Variants in XAB2 observed in about 807,000 individuals in gnomAD.
XAB2 encodes the protein XPA binding protein 2.
Under a neutral mutation model 113.4 loss-of-function variants are expected in XAB2, and 57 were observed. That is an observed-to-expected ratio of 0.50 (90% confidence interval 0.41 to 0.63). The LOEUF (loss-of-function observed/expected upper bound fraction) is 0.63, where lower values mean the gene tolerates loss of function less well. XAB2 is among the 20% of genes least tolerant of loss of function. The probability of loss-of-function intolerance (pLI) is 0.00; values close to 1 mark genes in which losing one functional copy is unlikely to be tolerated. For synonymous variants in XAB2, 497 were observed against 498.8 expected (o/e 1.00, Z 0.05); for missense variants, 1,037 against 1,233.3 (o/e 0.84, Z 2.38).
Position 7,627,434 on chromosome 19 carries a change from G to A in XAB2, c.331C>T (p.Arg111Cys), listed in dbSNP as rs201355918. ...RAFVFMHKMP[R>C]LWLDYCQFLM... ...AACTGGCAGTAATCTAGCCACAGAC[G>A]AGGCATCTGGGGGTGTGGGGAGAGG... The change falls in exon 4 of 19, where the codon CGT (arginine) becomes TGT (cysteine). Residue 111 changes from arginine (R) to cysteine (C), a missense_variant. Arg to Cys is a radical substitution (Grantham distance 180, BLOSUM62 -3). Coordinates refer to ENST00000358368, the MANE Select transcript of XAB2 (RefSeq NM_020196.3). The surrounding 1 kb of genome is among the most constrained non-coding windows in gnomAD (Gnocchi z 4.5). 2.9e-5 allele frequency: 47 copies of A among 1,604,130 alleles called. No individual in the cohort carries two copies. The highest frequency in any genetic ancestry group is 3.8e-5 in the Non-Finnish European group (45 of 1,176,550).
Position 7,627,647 on chromosome 19 carries a change from AGCCCAGCCCCTGTCCCC to A in XAB2, c.324+64_324+80del. 1 of 1,582,366 alleles carries A rather than the reference AGCCCAGCCCCTGTCCCC, an allele frequency of 6.3e-7. No homozygotes were observed. Among genetic ancestry groups the A allele is most frequent in the Non-Finnish European group, 8.6e-7 (1 of 1,160,708 alleles). On this transcript the variant is annotated intron_variant, in intron 3 of 18. Transcript: ENST00000358368. This position sits in a 1 kb window ranked among gnomAD's most constrained non-coding sequence, Gnocchi z 4.5. ...CCAAGCCCCCATCCCTAACATGCTG[AGCCCAGCCCCTGTCCCC>A]GCCCCACCCACCACCATGGACTGAG...
Position 7,619,984 on chromosome 19 carries a change from G to A in XAB2, c.2358C>T (p.Asp786=), listed in dbSNP as rs778056102. Residue 786 remains aspartate (D), a synonymous_variant, in exon 17 of 19, where the codon GAC becomes GAT. Coordinates refer to ENST00000358368, the MANE Select transcript of XAB2 (RefSeq NM_020196.3). ...TCTTGCTCTGGGCGCGCAAGGGCTG[G>A]TCACGCTCCGCCTCAGCCGCCAGCT... ...AEQLAAEAER[D]QPLRAQSKIL... 6.2e-7 allele frequency: 1 copy of A among 1,612,220 alleles called. No homozygotes were observed. The highest frequency in any genetic ancestry group is 8.5e-7 in the Non-Finnish European group (1 of 1,179,954).
chr19:7,620,118 C>T (rs1261708041), intron 16 of XAB2, 43 bp from the exon 17 acceptor site: 1 of 1,602,958 alleles, frequency 6.2e-7, no homozygotes, highest in Non-Finnish European at 8.5e-7. Flanking sequence ...GGGGCCCCTC[C>T]CACACATCGG....
Position 7,627,454 on chromosome 19 carries a change from G to A in XAB2, c.325-14C>T, listed in dbSNP as rs921254102. 2 of 1,596,638 alleles carry A rather than the reference G, an allele frequency of 1.3e-6. No homozygotes were observed. Among genetic ancestry groups the A allele is most frequent in the Non-Finnish European group, 8.5e-7 (1 of 1,173,096 alleles). On this transcript the variant is annotated splice_polypyrimidine_tract_variant and intron_variant, in intron 3 of 18. Coordinates refer to ENST00000358368, the MANE Select transcript of XAB2 (RefSeq NM_020196.3). This position sits in a 1 kb window ranked among gnomAD's most constrained non-coding sequence, Gnocchi z 4.5. ...CAGACGAGGCATCTGGGGGTGTGGG[G>A]AGAGGCGGCTGGGGCTAAGCCACGG...
intron 14 of XAB2, 58 bp downstream of exon 14, chr19:7,620,788 G>C: frequency 1.9e-6 from 3 of 1,564,934 alleles, no homozygotes; most frequent in East Asian, 4.5e-5. Flanking sequence ...CACCTGCCTG[G>C]ACCCCTTCCG....
Position 7,621,313 on chromosome 19 carries a change from G to A in XAB2, c.1618-16C>T, listed in dbSNP as rs781426099. ...GCTCGTACGCCTGTTACCAGAGGGAGAGTCACATGTGAGAGTCTGCAGATA... is the reference window on the plus strand; with the variant it reads ...GCTCGTACGCCTGTTACCAGAGGGAAAGTCACATGTGAGAGTCTGCAGATA... On this transcript the variant is annotated splice_polypyrimidine_tract_variant and intron_variant, in intron 12 of 18. Coordinates refer to ENST00000358368, the MANE Select transcript of XAB2 (RefSeq NM_020196.3). 3 of 1,610,884 alleles carry A rather than the reference G, an allele frequency of 1.9e-6. No individual in the cohort carries two copies. Among genetic ancestry groups the A allele is most frequent in the Non-Finnish European group, 2.5e-6 (3 of 1,178,568 alleles).
In XAB2 at chr19:7,619,739, G is replaced by A. The variant is rs761048086; in HGVS notation, c.2506+8C>T. 1 of 1,613,458 alleles carries A rather than the reference G, an allele frequency of 6.2e-7. No homozygotes were observed. Among genetic ancestry groups the A allele is most frequent in the South Asian group, 1.1e-5 (1 of 91,068 alleles). ...ATGCCACCGTCCCCGCCCCAGCCGG[G>A]CCCTCACCGTTGGGCTCCAGGTCCA... is the stretch of plus-strand genomic sequence containing the variant. On this transcript the variant is annotated splice_region_variant and intron_variant, in intron 18 of 18. Transcript: ENST00000358368.
Position 7,620,365 on chromosome 19 carries a change from T to TTTCC in XAB2, c.2175_2176insGGAA (p.Ile726GlyfsTer34), listed in dbSNP as rs765005683. The TTTCC allele has an allele frequency of 6.2e-7, 1 of 1,613,362 alleles. No homozygotes were observed. Among genetic ancestry groups the TTTCC allele is most frequent in the South Asian group, 1.1e-5 (1 of 91,088 alleles). On this transcript the variant is annotated frameshift_variant, in exon 16 of 19. Coordinates refer to ENST00000358368, the MANE Select transcript of XAB2 (RefSeq NM_020196.3). LOFTEE classifies it high-confidence loss of function. ...TACGTGGCCTGCACGCTGCGCCGGA[T>TTTCC]ACGCAGCATTTCCTTGATGGTGTCC...
Position 7,623,926 on chromosome 19 carries a change from G to A in XAB2, c.968-44C>T. The A allele has an allele frequency of 6.7e-7, 1 of 1,498,018 alleles. No homozygotes were observed. Among genetic ancestry groups the A allele is most frequent in the Non-Finnish European group, 8.9e-7 (1 of 1,125,488 alleles). The allele number at this position is 1,498,018 out of a possible 1,614,324, so 92.8% of individuals were successfully genotyped here. A position where few individuals can be genotyped will look rare whatever the true frequency, so the allele number is the denominator to read the frequency against. ...TTTGTCAGGGGCGGAGACCCAGGAT[G>A]CAGGTCCCCGGATGCCACCGCCTCC... On this transcript the variant is annotated intron_variant, in intron 7 of 18. Coordinates refer to ENST00000358368, the MANE Select transcript of XAB2 (RefSeq NM_020196.3). The surrounding 1 kb of genome is among the most constrained non-coding windows in gnomAD (Gnocchi z 4.6).
intron 1 of XAB2, among the ~76,000 whole-genome samples, chr19:7,629,260 G>A (rs1335137459): frequency 6.6e-6 from 1 of 152,216 alleles, no homozygotes; most frequent in Non-Finnish European, 1.5e-5. Flanking sequence ...CCCTTCGACA[G>A]TGGTTTTCTA....
chr19:7,628,409 A>G lies in XAB2; in HGVS notation c.52-111T>C. 2 of 1,360,974 alleles carry G rather than the reference A, an allele frequency of 1.5e-6. No individual in the cohort carries two copies. Among genetic ancestry groups the G allele is most frequent in the East Asian group, 2.4e-5 (1 of 41,206 alleles). The allele number at this position is 1,360,974 out of a possible 1,614,324, so 84.3% of individuals were successfully genotyped here. A position where few individuals can be genotyped will look rare whatever the true frequency, so the allele number is the denominator to read the frequency against. On this transcript the variant is annotated intron_variant, in intron 1 of 18. Coordinates refer to ENST00000358368, the MANE Select transcript of XAB2 (RefSeq NM_020196.3). This position sits in a 1 kb window ranked among gnomAD's most constrained non-coding sequence, Gnocchi z 4.6. ...AACTCCGGACTTTTACCTAGATCCCACCACCCACCAAGGAAGTCAGGTCAC... is the reference window on the plus strand; with the variant it reads ...AACTCCGGACTTTTACCTAGATCCCGCCACCCACCAAGGAAGTCAGGTCAC...
chr19:7,626,567 A>T (rs1008774305), intron 4 of XAB2, among the ~76,000 whole-genome samples: 5 of 151,892 alleles, frequency 3.3e-5, no homozygotes, highest in Admixed American at 3.3e-4. Context: ...GCAAGGGCAC[A>T]GCCTTGACTG....
At chr19:7,622,717 C>A (rs1319474097) in intron 10 of XAB2, 45 bp downstream of exon 10, 1 of 1,612,950 alleles carries the variant, frequency 6.2e-7, no homozygotes. Flanking sequence ...TGGCCCTTGC[C>A]CTACAACCTG....
At chr19:7,619,923 C>T (rs2030991609) in intron 17 of XAB2, 23 bp downstream of exon 17, 15 of 1,609,994 alleles carry the variant, frequency 9.3e-6, no homozygotes, top group Non-Finnish European at 1.3e-5. Flanking sequence ...CCAGTCCTGT[C>T]CCGTCCAAGG....
In XAB2 at chr19:7,622,651, G is replaced by A. The variant is rs367588563; in HGVS notation, c.1382C>T (p.Ala461Val). 1.6e-5 allele frequency: 26 copies of A among 1,611,260 alleles called. No homozygotes were observed. Among genetic ancestry groups the A allele is most frequent in the African/African-American group, 4.0e-5 (3 of 74,948 alleles). The change falls in exon 11 of 19, where the codon GCG becomes GTG. Residue 461 changes from alanine to valine, a missense_variant. Physicochemically the swap from Ala to Val is moderately conservative, Grantham distance 64. Coordinates refer to ENST00000358368, the MANE Select transcript of XAB2 (RefSeq NM_020196.3). The stretch of plus-strand genomic sequence containing the variant: ...GTACTCGGCCCGGCGGGCAGGCAGC[G>A]CCGTGGCCTTCTGCAGGGGCAGACA... ...EALRLLRKAT[A>V]LPARRAEYFD...
At position 7,623,178 on chromosome 19, in the gene XAB2, G is replaced by A. The variant is rs767162513; in HGVS notation, c.1231C>T (p.Leu411=). Residue 411 remains leucine (L), a synonymous_variant, in exon 9 of 19, where the codon CTG becomes TTG. Transcript: ENST00000358368. The surrounding 1 kb of genome is among the most constrained non-coding windows in gnomAD (Gnocchi z 4.6). ...CGCAACAGGGTGCTCACATCGTCCA[G>A]CTGTCCGTTGTCCTCATAAAACTTG... ...FAKFYEDNGQ[L]DDARVILEKA... The A allele has an allele frequency of 1.7e-5, 27 of 1,613,520 alleles. No individual in the cohort carries two copies. In the Admixed American group the frequency reaches 4.5e-4, roughly 27 times the overall value.
chr19:7,619,528 T>G lies in XAB2; in HGVS notation c.*58A>C. On this transcript the variant is annotated 3_prime_UTR_variant, in exon 19 of 19. Transcript: ENST00000358368. The stretch of plus-strand genomic sequence containing the variant: ...AGCAGGAAGGAGGCTCAGACCATGA[T>G]GTACAAACGTAGCTGTATTGGGGAG... 1.5e-6 allele frequency: 2 copies of G among 1,326,724 alleles called. No homozygotes were observed. Among genetic ancestry groups the G allele is most frequent in the Non-Finnish European group, 1.0e-6 (1 of 987,726 alleles). 82.2% of individuals were successfully genotyped at this position (1,326,724 alleles called of 1,614,324 possible).
chr19:7,622,728 C>T, intron 10 of XAB2, 34 bp downstream of exon 10: 1 of 1,613,160 alleles, frequency 6.2e-7, no homozygotes, highest in Non-Finnish European at 8.5e-7. Context: ...CTACAACCTG[C>T]AGCCCCCACC....
rs538580383 is a variant in XAB2 at position 7,619,615 on chromosome 19, C to T, written c.2539G>A (p.Ala847Thr). ...TCTTCCTTCAGGCTCCCAAACACTG[C>T]GGCTGGCACGCTCTGCTGCTCCAGC... ...VRLEQQSVPA[A>T]VFGSLKED Residue 847 changes from alanine to threonine, a missense_variant, in exon 19 of 19, where the codon GCA becomes ACA. By Grantham distance (58) the Ala-to-Thr change is moderately conservative. Transcript: ENST00000358368. 35 of 1,602,070 alleles carry T rather than the reference C, an allele frequency of 2.2e-5. 1 individual carries two copies. The Admixed American group carries it at 3.5e-4, about 16-fold the overall frequency.
Sources: allele counts gnomAD v4.1 joint callset (sites outside exome capture counted in the v4.1 genomes callset), GRCh38; gene constraint gnomAD v4.1.1; non-coding constraint Gnocchi (gnomAD v3.1); transcripts MANE v1.5; gene names NCBI Gene and HGNC (gene_info 2026-07-23, HGNC 2026-07-21).